SMCHD1: variants seen among roughly 807,000 people sequenced by gnomAD.
SMCHD1 encodes structural maintenance of chromosomes flexible hinge domain-containing protein 1.
A neutral mutation model predicts 254.7 loss-of-function variants in SMCHD1; 78 were observed. The observed-to-expected ratio is 0.31, with a 90% CI of 0.26 to 0.37. The LOEUF (loss-of-function observed/expected upper bound fraction) is 0.37. Ranked by LOEUF, SMCHD1 falls within the 10% of genes least tolerant of loss-of-function variation. The pLI is 1.00. For missense variants in SMCHD1, 1,840 were observed against 2,408.1 expected, an observed-to-expected ratio of 0.76 and a Z score of 4.94; for synonymous variants, 766 against 794.9, an observed-to-expected ratio of 0.96 and a Z score of 0.61.
chr18:2,691,766 C>CGGG (rs2074185703), intron 7 of SMCHD1: 1 of 152,206 alleles, frequency 6.6e-6, no homozygotes, highest in African/African-American at 2.4e-5. Flanking sequence ...GATGCTGCAA[C>CGGG]ATTTGCTATA....
chr18:2,657,170 A>G (rs994717996), intron 1 of SMCHD1, among the ~76,000 whole-genome samples: 2 of 152,216 alleles, frequency 1.3e-5, no homozygotes, highest in African/African-American at 2.4e-5. Context: ...TGAGGCTGAT[A>G]GGTTTAGAAA....
intron 45 of SMCHD1, among the ~76,000 whole-genome samples, chr18:2,792,134 C>G (rs2076178068): frequency 6.6e-6 from 1 of 152,110 alleles, no homozygotes; most frequent in Non-Finnish European, 1.5e-5. Context: ...TATTTCTTTA[C>G]AAATAAAATT....
rs533579333 is a variant in SMCHD1 at position 2,763,081 on chromosome 18, G to A, written c.4567-556G>A. Among the ~76,000 whole-genome samples, 65 of 152,306 alleles carry A rather than the reference G, an allele frequency of 4.3e-4. No individual in the cohort carries two copies. The Middle Eastern group carries it at 0.014, about 32-fold the overall frequency. On this transcript the variant is annotated intron_variant, in intron 36 of 47. Transcript: ENST00000320876. ...CCTTCATGGAAAATTTGGTTGGTGG[G>A]ATGCTTGTCTACTTTCAGTTTATTT... is the stretch of plus-strand genomic sequence containing the variant.
At chr18:2,720,674 ATTTAT>A (rs1293562347) in intron 19 of SMCHD1, among the ~76,000 whole-genome samples, 6 of 152,328 alleles carry the variant, frequency 3.9e-5, no homozygotes, top group African/African-American at 1.4e-4. Context: ...GAGAAAGACC[ATTTAT>A]GTTTGTAGGG....
chr18:2,709,249 T>TAC (rs55996930), intron 17 of SMCHD1, among the ~76,000 whole-genome samples: 2 of 146,072 alleles, frequency 1.4e-5, no homozygotes, highest in Admixed American at 1.4e-4. Flanking sequence ...TATATATATA[T>TAC]ACACACACAC....
chr18:2,689,615 G>GT (rs767763150), intron 7 of SMCHD1, among the ~76,000 whole-genome samples: 12 of 152,024 alleles, frequency 7.9e-5, no homozygotes, highest in Non-Finnish European at 1.6e-4. Flanking sequence ...CTGGACTAGA[G>GT]TGTAGTGGTG....
chr18:2,680,548 C>T (rs1246420867), intron 5 of SMCHD1, among the ~76,000 whole-genome samples: 1 of 152,322 alleles, frequency 6.6e-6, no homozygotes, highest in Middle Eastern at 3.4e-3. Flanking sequence ...GTTTACAACT[C>T]TGCCTTACTT....
chr18:2,673,110 G>C (rs2073656434), intron 3 of SMCHD1, 171 bp from the exon 4 acceptor site: 1 of 985,182 alleles, frequency 1.0e-6, no homozygotes, highest in African/African-American at 1.7e-5. Context: ...TTTTGATGCT[G>C]GTGGTGATTG....
intron 5 of SMCHD1, among the ~76,000 whole-genome samples, chr18:2,679,539 G>T (rs2073876646): frequency 7.2e-6 from 1 of 138,104 alleles, no homozygotes; most frequent in South Asian, 2.5e-4. Context: ...TCAACACTTT[G>T]AATATGTTCG....
chr18:2,703,636 T>C, intron 12 of SMCHD1, 56 bp from the exon 13 acceptor site: 2 of 1,353,166 alleles, frequency 1.5e-6, no homozygotes, highest in South Asian at 1.3e-5. Context: ...CAAATGTTTA[T>C]GGTTATATTT....
At chr18:2,751,936 C>T (rs969141999) in intron 33 of SMCHD1, among the ~76,000 whole-genome samples, 3 of 152,046 alleles carry the variant, frequency 2.0e-5, no homozygotes, top group Non-Finnish European at 2.9e-5. Flanking sequence ...TAGGATTTTA[C>T]GTTCTTTTAT....
intron 37 of SMCHD1, among the ~76,000 whole-genome samples, chr18:2,766,783 T>C (rs1027323418): frequency 6.6e-6 from 1 of 152,242 alleles, no homozygotes; most frequent in African/African-American, 2.4e-5. Flanking sequence ...CATTTGTTTG[T>C]TTCTCATATG....
Position 2,803,355 on chromosome 18 carries a change from A to G in SMCHD1, c.*803A>G, listed in dbSNP as rs1435519947. 4.0e-5 allele frequency: 6 copies of G among 151,514 alleles called. No homozygotes were observed. Among genetic ancestry groups the G allele is most frequent in the Admixed American group, 2.0e-4 (3 of 15,188 alleles). 9.4% of individuals were successfully genotyped at this position (151,514 alleles called of 1,614,324 possible). A position where few individuals can be genotyped will look rare whatever the true frequency, so the allele number is the denominator to read the frequency against. ...TTGTAATTTTTTATTACTATTTTTA[A>G]GGGGTTAAAGAGAACATACATTCTC... On this transcript the variant is annotated 3_prime_UTR_variant, in exon 48 of 48. Transcript: ENST00000320876.
intron 21 of SMCHD1, among the ~76,000 whole-genome samples, chr18:2,725,447 G>A (rs903418086): frequency 1.3e-5 from 2 of 151,706 alleles, no homozygotes; most frequent in Non-Finnish European, 3.0e-5. Context: ...AGTGTTTGGT[G>A]AGAGATACAG....
intron 45 of SMCHD1, among the ~76,000 whole-genome samples, chr18:2,787,798 A>G (rs2076263141): frequency 6.6e-6 from 1 of 152,234 alleles, no homozygotes; most frequent in African/African-American, 2.4e-5. Flanking sequence ...ACTAATATAT[A>G]TAAAGTACTT....
intron 6 of SMCHD1, 28 bp from the exon 7 acceptor site, chr18:2,688,600 A>G: frequency 6.4e-7 from 1 of 1,571,986 alleles, no homozygotes; most frequent in Non-Finnish European, 8.6e-7. Flanking sequence ...TTAGGAATTT[A>G]AAAAGTACTC....
At chr18:2,677,462 A>G (rs532263197) in intron 5 of SMCHD1, among the ~76,000 whole-genome samples, 51 of 152,294 alleles carry the variant, frequency 3.3e-4, no homozygotes, top group African/African-American at 1.1e-3. Context: ...AAATTTACGT[A>G]TCATAAAATT....
intron 28 of SMCHD1, among the ~76,000 whole-genome samples, chr18:2,742,885 C>A (rs1217307339): frequency 3.3e-5 from 5 of 152,084 alleles, no homozygotes; most frequent in African/African-American, 1.2e-4. Context: ...CTGTGTTGCC[C>A]AGGCTGGTCG....
intron 37 of SMCHD1, among the ~76,000 whole-genome samples, chr18:2,766,244 C>T (rs558198440): frequency 3.9e-5 from 6 of 152,188 alleles, no homozygotes; most frequent in Non-Finnish European, 8.8e-5. Flanking sequence ...CCACCCGCCT[C>T]GGCCTCCCAA....
Sources: allele counts gnomAD v4.1 joint callset (sites outside exome capture counted in the v4.1 genomes callset), GRCh38; gene constraint gnomAD v4.1.1; transcripts MANE v1.5; gene names NCBI Gene and HGNC (gene_info 2026-07-23, HGNC 2026-07-21).